Variants in HDAC4 observed in about 807,000 individuals in gnomAD.
HDAC4 encodes the protein histone deacetylase 4.
HDAC4 carries 16 observed loss-of-function variants against 135.1 expected under a neutral mutation model. The ratio of observed to expected loss-of-function variants is 0.12; its 90% CI spans 0.08 to 0.18. HDAC4 has a LOEUF of 0.18. Among genes scored for constraint, HDAC4 ranks in the 10% least tolerant of loss-of-function variants. The pLI is 1.00. For synonymous variants in HDAC4, 685 were observed against 653.4 expected, an observed-to-expected ratio of 1.05 and a Z score of -0.74; for missense variants, 1,143 against 1,511.8, an observed-to-expected ratio of 0.76 and a Z score of 4.05.
chr2:239,293,249 G>C (rs573791923), intron 2 of HDAC4, among the ~76,000 whole-genome samples: 1 of 152,208 alleles, frequency 6.6e-6, no homozygotes, highest in Non-Finnish European at 1.5e-5. Context: ...GATCCCAGCT[G>C]GCTTCTCTAC....
intron 2 of HDAC4, among the ~76,000 whole-genome samples, chr2:239,316,945 A>G (rs576115245): frequency 2.6e-5 from 4 of 152,302 alleles, no homozygotes; most frequent in South Asian, 2.1e-4. Context: ...CACAGGGGGA[A>G]AAATTCTAAA....
chr2:239,229,424 A>G (rs2047418075), intron 3 of HDAC4, among the ~76,000 whole-genome samples: 1 of 152,216 alleles, frequency 6.6e-6, no homozygotes. Flanking sequence ...GTTTGAACTA[A>G]GAGAATCAAA....
At chr2:239,280,783 A>G (rs527942556) in intron 2 of HDAC4, among the ~76,000 whole-genome samples, 1 of 151,622 alleles carries the variant, frequency 6.6e-6, no homozygotes, top group South Asian at 2.1e-4. Context: ...ACACCACTCT[A>G]CAATGAACAC....
intron 2 of HDAC4, among the ~76,000 whole-genome samples, chr2:239,328,053 G>A (rs2053521500): frequency 6.6e-6 from 1 of 152,208 alleles, no homozygotes; most frequent in Non-Finnish European, 1.5e-5. Flanking sequence ...CCCGCCCTGA[G>A]CAATGTAAGC....
chr2:239,149,331 C>T (rs933590313), intron 7 of HDAC4, among the ~76,000 whole-genome samples: 2 of 151,530 alleles, frequency 1.3e-5, no homozygotes, highest in African/African-American at 2.4e-5. Flanking sequence ...ACCCAGGAGG[C>T]GGAGGTTGTC....
At chr2:239,077,522 C>T (rs1461059141) in intron 22 of HDAC4, among the ~76,000 whole-genome samples, 7 of 152,270 alleles carry the variant, frequency 4.6e-5, no homozygotes, top group Admixed American at 3.9e-4. Context: ...TGGCGCAGGA[C>T]GAGCTCTCTC....
chr2:239,061,032 T>A (rs1227899511), intron 24 of HDAC4, among the ~76,000 whole-genome samples: 1 of 152,132 alleles, frequency 6.6e-6, no homozygotes, highest in East Asian at 1.9e-4. Flanking sequence ...GCAGCCCGGA[T>A]GGAAAGAGGA....
chr2:239,052,967 T>G lies in HDAC4; in HGVS notation c.*130A>C. On this transcript the variant is annotated 3_prime_UTR_variant, in exon 27 of 27. Transcript: ENST00000543185. ...CGGCAGAAAGGCTTCCCGTGGCTGT[T>G]GCACGCTGGGTGTCCCTGGGTGCTC... 1 of 1,092,444 alleles carries G rather than the reference T, an allele frequency of 9.2e-7. No homozygotes were observed. Among genetic ancestry groups the G allele is most frequent in the Non-Finnish European group, 1.4e-6 (1 of 707,628 alleles). The allele number at this position is 1,092,444 out of a possible 1,614,324, so 67.7% of individuals were successfully genotyped here.
At chr2:239,244,360 C>T (rs746371323) in intron 2 of HDAC4, among the ~76,000 whole-genome samples, 5 of 152,138 alleles carry the variant, frequency 3.3e-5, no homozygotes, top group Non-Finnish European at 5.9e-5. Flanking sequence ...TGTGAGAAAG[C>T]GCTGCGCGAG....
chr2:239,053,340 G>A, intron 26 of HDAC4, 120 bp downstream of exon 26: 2 of 1,411,302 alleles, frequency 1.4e-6, no homozygotes, highest in Admixed American at 1.9e-5. Flanking sequence ...GGGCCACACT[G>A]GCCTGTCTCT....
chr2:239,348,414 A>G (rs1038584812), intron 2 of HDAC4, among the ~76,000 whole-genome samples: 3 of 152,344 alleles, frequency 2.0e-5, no homozygotes, highest in Middle Eastern at 3.4e-3. Context: ...GGTAGTGTTA[A>G]GTGGGTGGCC....
At chr2:239,152,891 C>G (rs950111024) in intron 7 of HDAC4, among the ~76,000 whole-genome samples, 1 of 152,178 alleles carries the variant, frequency 6.6e-6, no homozygotes, top group African/African-American at 2.4e-5. Flanking sequence ...TGGTCCTACT[C>G]GAAGGACTTT....
intron 2 of HDAC4, among the ~76,000 whole-genome samples, chr2:239,322,083 T>C (rs1356038659): frequency 6.6e-6 from 1 of 152,240 alleles, no homozygotes; most frequent in East Asian, 1.9e-4. Flanking sequence ...TTTAGAGGTT[T>C]CCTACTGGTT....
intron 1 of HDAC4, among the ~76,000 whole-genome samples, chr2:239,381,686 C>G (rs1157970471): frequency 6.6e-6 from 1 of 152,206 alleles, no homozygotes; most frequent in East Asian, 1.9e-4. Context: ...GCTTCTCACC[C>G]TAGGTACCAA....
intron 3 of HDAC4, among the ~76,000 whole-genome samples, chr2:239,230,830 T>C (rs1306629079): frequency 1.3e-5 from 2 of 152,232 alleles, no homozygotes; most frequent in Non-Finnish European, 2.9e-5. Flanking sequence ...TCACACGTCC[T>C]TGCAGATTTG....
intron 1 of HDAC4, among the ~76,000 whole-genome samples, chr2:239,372,495 C>T (rs557491528): frequency 2.6e-5 from 4 of 152,374 alleles, no homozygotes; most frequent in Non-Finnish European, 4.4e-5. Context: ...CACACACGCG[C>T]GCACACACAC....
Position 239,341,071 on chromosome 2 carries a change from C to A in HDAC4, c.22+11607G>T, listed in dbSNP as rs536565665. On this transcript the variant is annotated intron_variant, in intron 2 of 26. Coordinates refer to ENST00000543185, the MANE Select transcript of HDAC4 (RefSeq NM_001378414.1). Reference sequence around the variant, plus strand: ...ACAAAAACTAAAACTCCTCATCTCTCTGGTTTACCAACGAAAACCTCTGCT... The same window carrying A: ...ACAAAAACTAAAACTCCTCATCTCTATGGTTTACCAACGAAAACCTCTGCT... Among the ~76,000 whole-genome samples the A allele has an allele frequency of 4.6e-5, 7 of 152,384 alleles. No individual in the cohort carries two copies. The East Asian group carries it at 1.3e-3, about 29-fold the overall frequency.
At chr2:239,265,748 C>T (rs1273244139) in intron 2 of HDAC4, among the ~76,000 whole-genome samples, 3 of 152,242 alleles carry the variant, frequency 2.0e-5, no homozygotes, top group Non-Finnish European at 4.4e-5. Flanking sequence ...GGATCCCAAA[C>T]AACAGTGTCA....
chr2:239,367,441 C>T (rs901372772), intron 1 of HDAC4, among the ~76,000 whole-genome samples: 8 of 152,168 alleles, frequency 5.3e-5, no homozygotes, highest in Middle Eastern at 6.8e-3. Flanking sequence ...TGAGTAAGCA[C>T]GTTTTTTAGA....
Sources: allele counts gnomAD v4.1 joint callset (sites outside exome capture counted in the v4.1 genomes callset), GRCh38; gene constraint gnomAD v4.1.1; transcripts MANE v1.5; gene names NCBI Gene and HGNC (gene_info 2026-07-23, HGNC 2026-07-21).